Variants in PRDM15 observed in about 807,000 individuals in gnomAD.
The protein encoded by PRDM15 is PR domain zinc finger protein 15.
A neutral mutation model predicts 128.6 loss-of-function variants in PRDM15; 64 were observed. The observed-to-expected ratio is 0.50, with a 90% CI of 0.41 to 0.61. PRDM15 has a LOEUF of 0.61. PRDM15 is among the 20% of genes least tolerant of loss of function. The pLI, the probability that PRDM15 is intolerant of heterozygous loss-of-function variation, is 0.00. For synonymous variants in PRDM15, 615 were observed against 621.8 expected, an observed-to-expected ratio of 0.99 and a Z score of 0.16; for missense variants, 1,242 against 1,569.1, an observed-to-expected ratio of 0.79 and a Z score of 3.52.
intron 5 of PRDM15, among the ~76,000 whole-genome samples, chr21:41,848,068 C>A (rs1431991173): frequency 2.0e-5 from 3 of 152,226 alleles, no homozygotes; most frequent in African/African-American, 7.2e-5. Context: ...CAGGGCAGGA[C>A]CCCTGCCCAT....
At chr21:41,834,239 CA>C (rs35937508) in intron 11 of PRDM15, among the ~76,000 whole-genome samples, 87,049 of 151,824 alleles carry the variant, frequency 0.57, 25,329 homozygotes, top group Admixed American at 0.65. Context: ...GAGGAAGAAC[CA>C]AACCCTGGTT....
At position 41,819,618 on chromosome 21, in the gene PRDM15, T is replaced by G. The variant is rs776819208; in HGVS notation, c.2224A>C (p.Asn742His). The G allele has an allele frequency of 6.2e-7, 1 of 1,612,458 alleles. No homozygotes were observed. Among genetic ancestry groups the G allele is most frequent in the East Asian group, 2.2e-5 (1 of 44,856 alleles). The change falls in exon 18 of 24, where the codon AAT (asparagine) becomes CAT (histidine). Residue 742 changes from asparagine (N) to histidine (H), a missense_variant. Physicochemically the swap from Asn to His is moderately conservative, Grantham distance 68. This residue lies in a region of PRDM15 where 602 missense variants were observed against 788.3 expected (regional missense o/e 0.76). Coordinates refer to ENST00000398548, the MANE Select transcript of PRDM15 (RefSeq NM_001040424.3). Reference sequence around the variant, plus strand: ...TCGGCACACAGGTACTCGCGGACATTGTCGTGCACACGCATGTGCTCCTTC... The same window carrying G: ...TCGGCACACAGGTACTCGCGGACATGGTCGTGCACACGCATGTGCTCCTTC... ...MLKEHMRVHD[N>H]VREYLCAECG...
intron 21 of PRDM15, among the ~76,000 whole-genome samples, chr21:41,806,645 C>T (rs368643185): frequency 5.8e-4 from 2 of 3,426 alleles, no homozygotes; most frequent in East Asian, 0.014. Flanking sequence ...CCACCATCAC[C>T]ACCACCATCA....
At position 41,815,714 on chromosome 21, in the gene PRDM15, G is replaced by A. The variant is rs2062026871; in HGVS notation, c.2383C>T (p.Arg795Trp). The A allele has an allele frequency of 3.1e-6, 5 of 1,613,522 alleles. No homozygotes were observed. Among genetic ancestry groups the A allele is most frequent in the Non-Finnish European group, 4.2e-6 (5 of 1,179,916 alleles). The change falls in exon 19 of 24, where the codon CGG becomes TGG. Residue 795 changes from arginine to tryptophan, a missense_variant. Coordinates refer to ENST00000398548, the MANE Select transcript of PRDM15 (RefSeq NM_001040424.3). ...CGGGCCTCGGACTCACCCGTGTGCC[G>A]CTTGCAGTGCTTGAGCATGTTGACC... is the stretch of plus-strand genomic sequence containing the variant. The part of the protein sequence containing the change: ...QKVNMLKHCK[R>W]HTGIKDFMCE...
intron 11 of PRDM15, among the ~76,000 whole-genome samples, chr21:41,830,315 ACT>A (rs2062640649): frequency 6.6e-6 from 1 of 151,146 alleles, no homozygotes; most frequent in Non-Finnish European, 1.5e-5. Flanking sequence ...CACAACACAT[ACT>A]CAACACATAC....
At chr21:41,805,057 C>A (rs1187178447) in intron 21 of PRDM15, among the ~76,000 whole-genome samples, 1 of 152,230 alleles carries the variant, frequency 6.6e-6, no homozygotes, top group African/African-American at 2.4e-5. Flanking sequence ...AATCCATACA[C>A]AAGTGCTTTC....
Position 41,832,777 on chromosome 21 carries a change from C to T in PRDM15, c.1366+2660G>A, listed in dbSNP as rs1021894911. ...GGGCAGGTGGCTCCACTAGTCCTGC[C>T]GCCCCGTGGAAGGCAATGGTGCTGC... On this transcript the variant is annotated intron_variant, in intron 11 of 23. Transcript: ENST00000398548. The surrounding 1 kb of genome is among the most constrained non-coding windows in gnomAD (Gnocchi z 4.2). Among the ~76,000 whole-genome samples the T allele has an allele frequency of 8.5e-5, 13 of 152,290 alleles. No individual in the cohort carries two copies. The highest frequency in any genetic ancestry group is 1.7e-4 in the African/African-American group (7 of 41,546).
In PRDM15 at chr21:41,854,867, C is replaced by A; in HGVS notation, c.286-49G>T. 1 of 1,564,018 alleles carries A rather than the reference C, an allele frequency of 6.4e-7. No individual in the cohort carries two copies. On this transcript the variant is annotated intron_variant, in intron 4 of 23. Coordinates refer to ENST00000398548, the MANE Select transcript of PRDM15 (RefSeq NM_001040424.3). The surrounding 1 kb of genome is among the most constrained non-coding windows in gnomAD (Gnocchi z 4.6). ...GAAGCCGGGGAAATGGCTGATTACCCATCTGTGTATCAGCGTGTGGGGGGC... is the reference window on the plus strand; with the variant it reads ...GAAGCCGGGGAAATGGCTGATTACCAATCTGTGTATCAGCGTGTGGGGGGC...
At position 41,822,009 on chromosome 21, in the gene PRDM15, C is replaced by T. The variant is rs759891551; in HGVS notation, c.1790G>A (p.Arg597Lys). The change falls in exon 15 of 24, where the codon AGG becomes AAG. Residue 597 changes from arginine (R) to lysine (K), a missense_variant. Transcript: ENST00000398548. The part of the protein sequence containing the change: ...KDIALMDDHQ[R>K]EEFIGKIGIS... ...CCCGATCTTGCCGATAAACTCTTCC[C>T]TCTGGTGGTCATCCATCAACGCGAT... 4 of 1,614,170 alleles carry T rather than the reference C, an allele frequency of 2.5e-6. No individual in the cohort carries two copies.
chr21:41,819,039 A>G (rs2062152227), intron 18 of PRDM15, among the ~76,000 whole-genome samples: 1 of 152,196 alleles, frequency 6.6e-6, no homozygotes, highest in African/African-American at 2.4e-5. Context: ...TACTTTAAAC[A>G]ATTAGATCCT....
In PRDM15 at chr21:41,821,787, G is replaced by T; in HGVS notation, c.1896+116C>A. The T allele has an allele frequency of 3.8e-6, 5 of 1,306,036 alleles. No individual in the cohort carries two copies. The highest frequency in any genetic ancestry group is 2.3e-5 in the East Asian group (1 of 43,202). 80.9% of individuals were successfully genotyped at this position (1,306,036 alleles called of 1,614,324 possible). ...TAGGACCACTGGCCGGAGCCTTTGG[G>T]GAGGGAGGGCTGCTTCCGAGATGCA... On this transcript the variant is annotated intron_variant, in intron 15 of 23. Transcript: ENST00000398548. The surrounding 1 kb of genome is among the most constrained non-coding windows in gnomAD (Gnocchi z 5.4).
At chr21:41,827,498 T>A (rs537284524) in intron 12 of PRDM15, among the ~76,000 whole-genome samples, 1 of 152,286 alleles carries the variant, frequency 6.6e-6, no homozygotes, top group Non-Finnish European at 1.5e-5. Context: ...TACAAGTATG[T>A]GCCACCATGC....
At chr21:41,868,704 T>TTTC in intron 1 of PRDM15, among the ~76,000 whole-genome samples, 1 of 148,966 alleles carries the variant, frequency 6.7e-6, no homozygotes, top group African/African-American at 2.5e-5. Flanking sequence ...CTTTTTTTTT[T>TTTC]TTTTTTGAGA....
rs2062745824 is a variant in PRDM15 at position 41,832,925 on chromosome 21, C to T, written c.1366+2512G>A. ...CCGAGGGTGGCTTCTCCCGCAGCCA[C>T]CCACTCACTGCCAGTTCAGGAACCC... On this transcript the variant is annotated intron_variant, in intron 11 of 23. Transcript: ENST00000398548. This position sits in a 1 kb window ranked among gnomAD's most constrained non-coding sequence, Gnocchi z 4.2. Among the ~76,000 whole-genome samples, 1 of 152,212 alleles carries T rather than the reference C, an allele frequency of 6.6e-6. No individual in the cohort carries two copies. The highest frequency in any genetic ancestry group is 1.5e-5 in the Non-Finnish European group (1 of 68,044).
At chr21:41,807,392 C>T (rs2061714078) in intron 21 of PRDM15, among the ~76,000 whole-genome samples, 1 of 152,140 alleles carries the variant, frequency 6.6e-6, no homozygotes, top group Non-Finnish European at 1.5e-5. Context: ...ATTAGTGTGA[C>T]TCCAACGAAC....
At position 41,846,560 on chromosome 21, in the gene PRDM15, G is replaced by A. The variant is rs577526187; in HGVS notation, c.640+530C>T. ...AAATATACAGAAGTTTGCTGGGCGT[G>A]GTGGCACATGTCTGTGGTCCCAGCT... On this transcript the variant is annotated intron_variant, in intron 6 of 23. Transcript: ENST00000398548. Among the ~76,000 whole-genome samples, 272 of 152,328 alleles carry A rather than the reference G, an allele frequency of 1.8e-3. 2 individuals carry two copies. The highest frequency in any genetic ancestry group is 6.1e-3 in the African/African-American group (253 of 41,574).
At chr21:41,857,095 G>A (rs1332808844) in intron 4 of PRDM15, 81 bp downstream of exon 4, 21 of 1,273,686 alleles carry the variant, frequency 1.6e-5, no homozygotes, top group Non-Finnish European at 2.1e-5. Context: ...TGGAAACTCA[G>A]TGGTCCTTGC....
intron 23 of PRDM15, 95 bp downstream of exon 23, chr21:41,802,617 G>A (rs1274742493): frequency 1.0e-6 from 1 of 994,940 alleles, no homozygotes. Flanking sequence ...TGTACACTGT[G>A]TATAGTAAAA....
chr21:41,798,973 T>C lies in PRDM15; in HGVS notation c.*2267A>G, dbSNP rs1409727054. 6.6e-6 allele frequency: 1 copy of C among 152,244 alleles called. No individual in the cohort carries two copies. The allele number at this position is 152,244 out of a possible 1,614,324, so 9.4% of individuals were successfully genotyped here. On this transcript the variant is annotated 3_prime_UTR_variant, in exon 24 of 24. Coordinates refer to ENST00000398548, the MANE Select transcript of PRDM15 (RefSeq NM_001040424.3). ...AAAACTTGGGAGTTTGATTTTTCTTTAGAGTTCTCACTTATAACAAGAAGT... is the reference window on the plus strand; with the variant it reads ...AAAACTTGGGAGTTTGATTTTTCTTCAGAGTTCTCACTTATAACAAGAAGT...
Sources: gnomAD v4.1 joint callset for allele counts (sites outside exome capture counted in the v4.1 genomes callset) on GRCh38, gnomAD v4.1.1 for gene constraint, gnomAD v4.1.1 regional missense constraint, Gnocchi (gnomAD v3.1) non-coding constraint, MANE v1.5 for transcripts, NCBI Gene and HGNC (gene_info 2026-07-23, HGNC 2026-07-21) for gene names.